COL6A5: variants seen among roughly 807,000 people sequenced by gnomAD.
COL6A5 encodes the protein collagen alpha-5(VI) chain.
A neutral mutation model predicts 65.6 loss-of-function variants in COL6A5; 48 were observed. The observed-to-expected ratio is 0.73, with a 90% CI of 0.58 to 0.93. The LOEUF (loss-of-function observed/expected upper bound fraction) is 0.93. Ranked by LOEUF, COL6A5 falls within the 40% of genes least tolerant of loss-of-function variation. COL6A5 has a pLI of 0.00. For synonymous variants in COL6A5, 291 were observed against 322.8 expected (o/e 0.90, Z 1.05); for missense variants, 914 against 928.3 (o/e 0.98, Z 0.20).
chr3:130,383,985 T>C (rs1936094153), intron 4 of COL6A5, among the ~76,000 whole-genome samples: 1 of 151,950 alleles, frequency 6.6e-6, no homozygotes, highest in Admixed American at 6.6e-5. Context: ...CATGAACAAA[T>C]GAAGAAGGTA....
intron 8 of COL6A5, among the ~76,000 whole-genome samples, chr3:130,396,874 T>C (rs1419088188): frequency 2.0e-5 from 3 of 152,216 alleles, no homozygotes; most frequent in Non-Finnish European, 4.4e-5. Flanking sequence ...TTGTTTTTTA[T>C]TTTTTTGAGA....
intron 7 of COL6A5, chr3:130,477,187 A>G: frequency 1.2e-6 from 1 of 859,336 alleles, no homozygotes; most frequent in Non-Finnish European, 1.8e-6. Context: ...AATACAATCT[A>G]TCTCTGAGTT....
At chr3:130,442,899 A>G (rs1709218262) in intron 3 of COL6A5, among the ~76,000 whole-genome samples, 7 of 152,228 alleles carry the variant, frequency 4.6e-5, no homozygotes, top group Admixed American at 4.6e-4. Context: ...TTTAACTAAA[A>G]TCTTTTATTT....
chr3:130,470,532 A>C (rs1358503302), intron 6 of COL6A5, among the ~76,000 whole-genome samples: 1 of 152,088 alleles, frequency 6.6e-6, no homozygotes, highest in East Asian at 1.9e-4. Context: ...ATAATTAAAA[A>C]AAAAATAAAA....
At chr3:130,388,930 G>A in exon 6 of COL6A5, 2 of 1,547,188 alleles carry the variant, frequency 1.3e-6, no homozygotes, top group Non-Finnish European at 1.7e-6. Context: ...CATCACAGAT[G>A]GAGTAGCGCA....
intron 12 of COL6A5, among the ~76,000 whole-genome samples, chr3:130,403,251 A>G (rs1483957050): frequency 6.6e-6 from 1 of 152,170 alleles, no homozygotes; most frequent in Admixed American, 6.5e-5. Flanking sequence ...ATAAAATAAT[A>G]CCTTTGGAAA....
At chr3:130,357,631 A>G (rs1174350665) in intron 1 of COL6A5, among the ~76,000 whole-genome samples, 1 of 152,220 alleles carries the variant, frequency 6.6e-6, no homozygotes, top group African/African-American at 2.4e-5. Context: ...ATTTTAGAAA[A>G]GCAAAAGTCA....
chr3:130,445,588 C>T (rs1394951279), intron 4 of COL6A5, among the ~76,000 whole-genome samples: 2 of 152,074 alleles, frequency 1.3e-5, no homozygotes, highest in Middle Eastern at 3.2e-3. Flanking sequence ...TTCCCATACT[C>T]GCAGTCCAGA....
At chr3:130,361,721 C>T (rs923436986) in intron 1 of COL6A5, among the ~76,000 whole-genome samples, 1 of 152,094 alleles carries the variant, frequency 6.6e-6, no homozygotes, top group African/African-American at 2.4e-5. Flanking sequence ...CCTATTGTTT[C>T]ACATTCTTGC....
exon 1 of COL6A5, chr3:130,431,745 T>C (rs370008955): frequency 6.9e-5 from 107 of 1,551,320 alleles, no homozygotes; most frequent in Middle Eastern, 1.7e-4. Flanking sequence ...CCCGAGATGT[T>C]GGTAATGCAA....
intron 3 of COL6A5, 148 bp downstream of exon 35, chr3:130,440,973 G>T: frequency 1.4e-6 from 1 of 704,874 alleles, no homozygotes; most frequent in Non-Finnish European, 2.3e-6. Context: ...ATCATTTGCT[G>T]GTTATACCCT....
intron 7 of COL6A5, among the ~76,000 whole-genome samples, chr3:130,476,713 T>C (rs1710109362): frequency 1.3e-5 from 2 of 152,112 alleles, no homozygotes; most frequent in Admixed American, 6.6e-5. Flanking sequence ...GGTGATTTGC[T>C]GCTGAAAATA....
At chr3:130,460,259 T>C (rs1268096586) in intron 5 of COL6A5, among the ~76,000 whole-genome samples, 1 of 152,124 alleles carries the variant, frequency 6.6e-6, no homozygotes, top group Non-Finnish European at 1.5e-5. Flanking sequence ...CATTAAGAAA[T>C]CTCAACCACT....
intron 1 of COL6A5, among the ~76,000 whole-genome samples, chr3:130,368,841 T>A (rs1935443827): frequency 6.6e-6 from 1 of 152,146 alleles, no homozygotes; most frequent in Admixed American, 6.5e-5. Flanking sequence ...TCACAGTTTG[T>A]TTTGACAGGA....
chr3:130,429,711 C>A, upstream of COL6A5: 1 of 722,168 alleles, frequency 1.4e-6, no homozygotes. Context: ...ACAGTTCTTT[C>A]TTTTGATTAT....
intron 25 of COL6A5, 80 bp downstream of exon 25, chr3:130,419,011 G>A (rs1937445752): frequency 3.6e-6 from 4 of 1,119,596 alleles, no homozygotes; most frequent in Non-Finnish European, 5.3e-6. Flanking sequence ...GACACCTTCA[G>A]CCCAATTATG....
At chr3:130,348,744 G>A (rs537570942) in intron 1 of COL6A5, among the ~76,000 whole-genome samples, 5 of 152,308 alleles carry the variant, frequency 3.3e-5, no homozygotes, top group Admixed American at 2.0e-4. Context: ...CACCAACAGT[G>A]TAAAAGTGTT....
At chr3:130,376,316 G>A in exon 3 of COL6A5, 1 of 1,613,666 alleles carries the variant, frequency 6.2e-7, no homozygotes, top group Non-Finnish European at 8.5e-7. Flanking sequence ...TCCCATTCGT[G>A]AAAACGTTCA....
chr3:130,384,879 A>T, exon 5 of COL6A5: 1 of 1,550,862 alleles, frequency 6.4e-7, no homozygotes, highest in Non-Finnish European at 8.7e-7. Flanking sequence ...AAACAGTTTG[A>T]GCAAATCAAG....
Sources: gnomAD v4.1 joint callset for allele counts (sites outside exome capture counted in the v4.1 genomes callset) on GRCh38, gnomAD v4.1.1 for gene constraint, MANE v1.5 for transcripts, NCBI Gene and HGNC (gene_info 2026-07-23, HGNC 2026-07-21) for gene names.